The following HS3ST5 variants were observed in gnomAD, a reference collection of about 807,000 sequenced individuals.
HS3ST5 encodes heparan sulfate glucosamine 3-O-sulfotransferase 5.
HS3ST5 carries 10 observed loss-of-function variants against 25.4 expected under a neutral mutation model. The observed-to-expected ratio is 0.39, with a 90% CI of 0.24 to 0.67. The LOEUF (loss-of-function observed/expected upper bound fraction) is 0.67, where lower values mean the gene tolerates loss of function less well. Among genes scored for constraint, HS3ST5 ranks in the 30% least tolerant of loss-of-function variants. HS3ST5 has a pLI of 0.44. For synonymous variants in HS3ST5, 170 were observed against 162.4 expected, an observed-to-expected ratio of 1.05 and a Z score of -0.36; for missense variants, 324 against 420.7, an observed-to-expected ratio of 0.77 and a Z score of 2.01.
At chr6:114,307,380 A>G (rs1775342223) in intron 1 of HS3ST5, among the ~76,000 whole-genome samples, 1 of 151,754 alleles carries the variant, frequency 6.6e-6, no homozygotes, top group African/African-American at 2.4e-5. Flanking sequence ...CCATCTAGTA[A>G]TCTATTGAAA....
chr6:114,180,296 T>A (rs1779914724), intron 2 of HS3ST5, among the ~76,000 whole-genome samples: 1 of 152,030 alleles, frequency 6.6e-6, no homozygotes, highest in East Asian at 1.9e-4. Flanking sequence ...CACTCCTATC[T>A]CCCAATGTAT....
intron 1 of HS3ST5, among the ~76,000 whole-genome samples, chr6:114,273,547 T>C (rs1016150756): frequency 1.3e-5 from 2 of 151,904 alleles, no homozygotes; most frequent in Non-Finnish European, 2.9e-5. Flanking sequence ...CTTATGACAC[T>C]CTAAGAGGTT....
At chr6:114,227,472 T>C (rs1771354424) in intron 2 of HS3ST5, among the ~76,000 whole-genome samples, 1 of 151,868 alleles carries the variant, frequency 6.6e-6, no homozygotes, top group African/African-American at 2.4e-5. Context: ...CTAAACACTT[T>C]CACTGAAATA....
chr6:114,062,442 G>A (rs875776), intron 4 of HS3ST5, among the ~76,000 whole-genome samples: 86,204 of 151,990 alleles, frequency 0.57, 25,558 homozygotes, highest in African/African-American at 0.73. Flanking sequence ...AGATGCACAC[G>A]GACCAACTGA....
At chr6:114,131,505 T>C (rs1196652827) in intron 3 of HS3ST5, among the ~76,000 whole-genome samples, 3 of 152,184 alleles carry the variant, frequency 2.0e-5, no homozygotes, top group Non-Finnish European at 2.9e-5. Flanking sequence ...TGTAAAAGAA[T>C]ATGCCATATA....
chr6:114,167,104 G>T (rs887284229), intron 3 of HS3ST5, among the ~76,000 whole-genome samples: 2 of 152,318 alleles, frequency 1.3e-5, no homozygotes, highest in African/African-American at 2.4e-5. Context: ...TCCTGCCTCA[G>T]TCTCCTGAGC....
At position 114,341,222 on chromosome 6, in the gene HS3ST5, GGAGAGAGA is replaced by G. The variant is rs4034605; in HGVS notation, c.-339+965_-339+972del. ...AGGGAGAGGGAATAGGGAGAGAGGGGGAGAGAGAGAGAGAGAGAGAGAGAGAGAGAGAG... is the reference window on the plus strand; with the variant it reads ...AGGGAGAGGGAATAGGGAGAGAGGGGGAGAGAGAGAGAGAGAGAGAGAGAG... On this transcript the variant is annotated intron_variant, in intron 1 of 4. Transcript: ENST00000312719. Among the ~76,000 whole-genome samples, 189 of 46,626 alleles carry G rather than the reference GGAGAGAGA, an allele frequency of 4.1e-3. 1 individual carries two copies. The highest frequency in any genetic ancestry group is 0.037 in the South Asian group (41 of 1,098). 30.6% of individuals were successfully genotyped at this position (46,626 alleles called of 152,430 possible).
intron 3 of HS3ST5, among the ~76,000 whole-genome samples, chr6:114,147,936 C>T (rs1051211508): frequency 1.3e-5 from 2 of 151,972 alleles, no homozygotes; most frequent in African/African-American, 4.8e-5. Context: ...TCTGTTGCAG[C>T]ATATATATCC....
In HS3ST5 at chr6:114,084,483, A is replaced by G; in HGVS notation, c.-32-21606T>C. On this transcript the variant is annotated intron_variant, in intron 3 of 4. Coordinates refer to ENST00000312719, the MANE Select transcript of HS3ST5 (RefSeq NM_153612.4). ...CAGGCATGACCTCCCGCGGGTATTC[A>G]CGGGAAATGGTGCCACGCATGCGCA... The G allele has an allele frequency of 6.6e-6, 5 of 757,874 alleles. No individual in the cohort carries two copies. The East Asian group carries it at 1.2e-4, about 18-fold the overall frequency. 46.9% of individuals were successfully genotyped at this position (757,874 alleles called of 1,614,324 possible).
chr6:114,250,658 T>C (rs772752094), intron 1 of HS3ST5, among the ~76,000 whole-genome samples: 4 of 152,188 alleles, frequency 2.6e-5, no homozygotes, highest in African/African-American at 7.2e-5. Flanking sequence ...ACTGCAAACT[T>C]TGACCTGAAG....
At chr6:114,179,476 A>T (rs1267856181) in intron 2 of HS3ST5, among the ~76,000 whole-genome samples, 2 of 152,180 alleles carry the variant, frequency 1.3e-5, no homozygotes, top group Non-Finnish European at 2.9e-5. Flanking sequence ...TGAGGGAGTT[A>T]AGCAGCTTAA....
chr6:114,126,168 A>G (rs1393134342), intron 3 of HS3ST5, among the ~76,000 whole-genome samples: 2 of 152,228 alleles, frequency 1.3e-5, no homozygotes, highest in African/African-American at 2.4e-5. Flanking sequence ...AGTGCCAAAT[A>G]CACATTCTAC....
intron 1 of HS3ST5, among the ~76,000 whole-genome samples, chr6:114,302,922 T>A (rs939435484): frequency 6.6e-6 from 1 of 152,240 alleles, no homozygotes; most frequent in Admixed American, 6.5e-5. Context: ...TCTTAGCTTC[T>A]TTTATATAAC....
At chr6:114,226,804 C>T (rs1771317869) in intron 2 of HS3ST5, among the ~76,000 whole-genome samples, 1 of 152,052 alleles carries the variant, frequency 6.6e-6, no homozygotes, top group South Asian at 2.1e-4. Context: ...CTGATAAATA[C>T]ACCAATGATA....
At chr6:114,114,984 A>AT (rs1167519441) in intron 3 of HS3ST5, among the ~76,000 whole-genome samples, 1 of 152,070 alleles carries the variant, frequency 6.6e-6, no homozygotes, top group Non-Finnish European at 1.5e-5. Context: ...ATGGTTCAGT[A>AT]TTTTTTCTGC....
At chr6:114,108,569 G>A (rs944815442) in intron 3 of HS3ST5, among the ~76,000 whole-genome samples, 7 of 152,040 alleles carry the variant, frequency 4.6e-5, no homozygotes, top group Admixed American at 3.9e-4. Context: ...ATATCTCTCC[G>A]GCGCCCTCTA....
intron 1 of HS3ST5, among the ~76,000 whole-genome samples, chr6:114,277,386 A>G (rs186910826): frequency 3.4e-5 from 5 of 147,470 alleles, no homozygotes; most frequent in Admixed American, 6.7e-5. Context: ...ACAAGAGGAA[A>G]TATTAGGTTG....
chr6:114,079,749 C>G (rs975214406), intron 3 of HS3ST5, among the ~76,000 whole-genome samples: 1 of 152,082 alleles, frequency 6.6e-6, no homozygotes, highest in African/African-American at 2.4e-5. Flanking sequence ...GGAGCTATAG[C>G]CTTATGAAAT....
intron 3 of HS3ST5, among the ~76,000 whole-genome samples, chr6:114,160,309 T>C (rs568539313): frequency 2.2e-4 from 33 of 152,134 alleles, no homozygotes; most frequent in Admixed American, 1.9e-3. Context: ...CTAGTAGACA[T>C]TGAATGGAGA....
Sources: gnomAD v4.1 joint callset for allele counts (sites outside exome capture counted in the v4.1 genomes callset) on GRCh38, gnomAD v4.1.1 for gene constraint, MANE v1.5 for transcripts, NCBI Gene and HGNC (gene_info 2026-07-23, HGNC 2026-07-21) for gene names.